Variants in AGAP1 observed in about 807,000 individuals in gnomAD.
AGAP1 encodes the protein ArfGAP with GTPase domain, ankyrin repeat and PH domain 1, also known as arf-GAP with GTPase, ANK repeat and PH domain-containing protein 1.
In AGAP1, 29 loss-of-function variants were observed where a neutral mutation model predicts 105.3. The ratio of observed to expected loss-of-function variants is 0.28; its 90% CI spans 0.21 to 0.38. The LOEUF is 0.38. Among genes scored for constraint, AGAP1 ranks in the 10% least tolerant of loss-of-function variants. AGAP1 has a pLI of 1.00. For synonymous variants in AGAP1, 509 were observed against 485.9 expected (o/e 1.05, Z -0.63); for missense variants, 998 against 1,165.1 (o/e 0.86, Z 2.09).
At chr2:235,856,864 C>T (rs752025732) in intron 9 of AGAP1, among the ~76,000 whole-genome samples, 25 of 152,256 alleles carry the variant, frequency 1.6e-4, no homozygotes, top group Non-Finnish European at 3.2e-4. Flanking sequence ...CAGCCACTGT[C>T]GTGAGCTCAG....
Position 236,056,235 on chromosome 2 carries a change from C to T in AGAP1, c.2114+6954C>T, listed in dbSNP as rs2058049270. 6.6e-6 allele frequency among the ~76,000 whole-genome samples: 1 copy of T among 152,174 alleles called. No homozygotes were observed. The highest frequency in any genetic ancestry group is 1.5e-5 in the Non-Finnish European group (1 of 68,040). On this transcript the variant is annotated intron_variant, in intron 16 of 17. Coordinates refer to ENST00000304032, the MANE Select transcript of AGAP1 (RefSeq NM_001037131.3). This position sits in a 1 kb window ranked among gnomAD's most constrained non-coding sequence, Gnocchi z 4.6. ...AACCAGACAGACAGAATGGTGCTCT[C>T]GGTTTATCATGCCGCCTGCCACACA...
intron 16 of AGAP1, among the ~76,000 whole-genome samples, chr2:236,116,619 G>C (rs758583139): frequency 7.2e-5 from 11 of 152,250 alleles, no homozygotes; most frequent in Admixed American, 2.0e-4. Context: ...AAAGTGCTGA[G>C]ATTACAGGCA....
At chr2:235,558,278 A>G (rs979838707) in intron 1 of AGAP1, among the ~76,000 whole-genome samples, 1 of 152,006 alleles carries the variant, frequency 6.6e-6, no homozygotes, top group Non-Finnish European at 1.5e-5. Context: ...TTCCTTTTCT[A>G]TTCTGTCACC....
chr2:235,904,228 A>G lies in AGAP1; in HGVS notation c.1156-4510A>G, dbSNP rs1161320058. Among the ~76,000 whole-genome samples the G allele has an allele frequency of 1.3e-5, 2 of 152,324 alleles. No individual in the cohort carries two copies. Among genetic ancestry groups the G allele is most frequent in the East Asian group, 1.9e-4 (1 of 5,180 alleles). On this transcript the variant is annotated intron_variant, in intron 10 of 17. Transcript: ENST00000304032. This position sits in a 1 kb window ranked among gnomAD's most constrained non-coding sequence, Gnocchi z 4.2. ...TGCAACATAATTAGGAGCGAAATGT[A>G]AAAAACAAGGGATGGCAAAGGTGCC...
intron 1 of AGAP1, among the ~76,000 whole-genome samples, chr2:235,595,991 C>T (rs776535551): frequency 1.4e-4 from 22 of 152,128 alleles, no homozygotes; most frequent in Non-Finnish European, 1.8e-4. Context: ...GTACAGGGGC[C>T]GGCAGATGTT....
rs142636168 is a variant in AGAP1 at position 235,811,668 on chromosome 2, T to C, written c.1050+4337T>C. 2.8e-3 allele frequency among the ~76,000 whole-genome samples: 434 copies of C among 152,352 alleles called. 2 individuals are homozygous for C. The highest frequency in any genetic ancestry group is 0.02 in the East Asian group (103 of 5,180). Reference sequence around the variant, plus strand: ...AGAAATACAGAAAGTGTGCGGGGCATGCTCTGTACCTCAGGCCATGGGGAC... The same window carrying C: ...AGAAATACAGAAAGTGTGCGGGGCACGCTCTGTACCTCAGGCCATGGGGAC... On this transcript the variant is annotated intron_variant, in intron 9 of 17. Coordinates refer to ENST00000304032, the MANE Select transcript of AGAP1 (RefSeq NM_001037131.3).
chr2:235,629,733 C>G (rs1487918535), intron 1 of AGAP1, among the ~76,000 whole-genome samples: 1 of 150,582 alleles, frequency 6.6e-6, no homozygotes, highest in African/African-American at 2.4e-5. Flanking sequence ...AAAAAAATAG[C>G]TGGACGTGGT....
intron 9 of AGAP1, among the ~76,000 whole-genome samples, chr2:235,880,028 TGAGCCCAA>T (rs2049931150): frequency 6.6e-6 from 1 of 150,586 alleles, no homozygotes; most frequent in South Asian, 2.1e-4. Context: ...GAGGATCACT[TGAGCCCAA>T]GAGTTCAAGG....
At chr2:235,871,089 T>C (rs978254294) in intron 9 of AGAP1, among the ~76,000 whole-genome samples, 1 of 152,148 alleles carries the variant, frequency 6.6e-6, no homozygotes, top group African/African-American at 2.4e-5. Flanking sequence ...AAGGAAAGGG[T>C]CTGACTGCCA....
chr2:235,922,592 T>C (rs1387927516), intron 11 of AGAP1, among the ~76,000 whole-genome samples: 2 of 152,262 alleles, frequency 1.3e-5, no homozygotes. Flanking sequence ...GATGAATCTT[T>C]ATTTGAATGC....
rs1960927068 is a variant in AGAP1, at chr2:235,842,100, T to C, written c.1050+34769T>C. Among the ~76,000 whole-genome samples the C allele has an allele frequency of 6.6e-6, 1 of 152,186 alleles. No individual in the cohort carries two copies. Among genetic ancestry groups the C allele is most frequent in the Non-Finnish European group, 1.5e-5 (1 of 68,040 alleles). On this transcript the variant is annotated intron_variant, in intron 9 of 17. Coordinates refer to ENST00000304032, the MANE Select transcript of AGAP1 (RefSeq NM_001037131.3). This position sits in a 1 kb window ranked among gnomAD's most constrained non-coding sequence, Gnocchi z 5.3. ...CCTCTCGTTGGAAGCCCAGGCTCACTCCATGGCTGCCCCTCTCCCCAGCCT... is the reference window on the plus strand; with the variant it reads ...CCTCTCGTTGGAAGCCCAGGCTCACCCCATGGCTGCCCCTCTCCCCAGCCT...
Position 235,734,132 on chromosome 2 carries a change from C to G in AGAP1, c.311-6831C>G, listed in dbSNP as rs1299852118. ...GGGCTGATTGTCCTTTTCAAGGTATCCATCTCATCCCACTTGTTAAAAATA... is the reference window on the plus strand; with the variant it reads ...GGGCTGATTGTCCTTTTCAAGGTATGCATCTCATCCCACTTGTTAAAAATA... On this transcript the variant is annotated intron_variant, in intron 3 of 17. Coordinates refer to ENST00000304032, the MANE Select transcript of AGAP1 (RefSeq NM_001037131.3). This position sits in a 1 kb window ranked among gnomAD's most constrained non-coding sequence, Gnocchi z 5.3. Among the ~76,000 whole-genome samples, 5 of 152,192 alleles carry G rather than the reference C, an allele frequency of 3.3e-5. No individual in the cohort carries two copies. The highest frequency in any genetic ancestry group is 5.9e-5 in the Non-Finnish European group (4 of 68,038).
At chr2:235,590,672 T>TGC (rs1945297369) in intron 1 of AGAP1, among the ~76,000 whole-genome samples, 1 of 101,648 alleles carries the variant, frequency 9.8e-6, no homozygotes, top group Non-Finnish European at 2.1e-5. Flanking sequence ...TTAATGTGTG[T>TGC]GTGTGTGTGT....
intron 12 of AGAP1, among the ~76,000 whole-genome samples, chr2:235,945,819 C>CT (rs2053470181): frequency 7.2e-6 from 1 of 139,352 alleles, no homozygotes; most frequent in African/African-American, 3.1e-5. Context: ...TGCTTGGCTT[C>CT]CGGGGGGGTG....
chr2:235,508,847 A>G lies in AGAP1; in HGVS notation c.163+13998A>G, dbSNP rs113011840. The stretch of plus-strand genomic sequence containing the variant: ...CTGTGCTGTAATTAGCAAAAGAGGG[A>G]GAAAGGGATGCTCTGTGCATCAAAG... On this transcript the variant is annotated intron_variant, in intron 1 of 17. Transcript: ENST00000304032. Among the ~76,000 whole-genome samples the G allele has an allele frequency of 8.6e-3, 1,316 of 152,340 alleles. 13 individuals are homozygous for G. Among genetic ancestry groups the G allele is most frequent in the African/African-American group, 0.03 (1,253 of 41,582 alleles).
intron 11 of AGAP1, among the ~76,000 whole-genome samples, chr2:235,924,543 C>A (rs1489052669): frequency 6.6e-6 from 1 of 152,158 alleles, no homozygotes; most frequent in African/African-American, 2.4e-5. Flanking sequence ...TCCCATCTTC[C>A]CCTACTCGCG....
chr2:235,856,161 C>T (rs998444951), intron 9 of AGAP1, among the ~76,000 whole-genome samples: 1 of 152,140 alleles, frequency 6.6e-6, no homozygotes, highest in Non-Finnish European at 1.5e-5. Flanking sequence ...AGCCACTCGC[C>T]TCGGCCTCCC....
chr2:235,687,487 G>GT (rs1489260862), intron 1 of AGAP1, among the ~76,000 whole-genome samples: 1 of 152,152 alleles, frequency 6.6e-6, no homozygotes, highest in Admixed American at 6.5e-5. Context: ...TGTGTAAATC[G>GT]TAATAGCCCT....
intron 11 of AGAP1, among the ~76,000 whole-genome samples, chr2:235,922,140 T>C (rs2052212773): frequency 6.6e-6 from 1 of 152,184 alleles, no homozygotes; most frequent in Non-Finnish European, 1.5e-5. Context: ...AGGTAGCCGC[T>C]CACGCTGAGT....
Sources: allele counts gnomAD v4.1 joint callset (sites outside exome capture counted in the v4.1 genomes callset), GRCh38; gene constraint gnomAD v4.1.1; non-coding constraint Gnocchi (gnomAD v3.1); transcripts MANE v1.5; gene names NCBI Gene and HGNC (gene_info 2026-07-23, HGNC 2026-07-21).